The following EML6 variants were observed in gnomAD, a reference collection of about 807,000 sequenced individuals.
EML6 encodes EMAP like 6.
In EML6, 154 loss-of-function variants were observed where a neutral mutation model predicts 240.1. That is an observed-to-expected ratio of 0.64 (90% CI 0.56 to 0.73). The LOEUF (loss-of-function observed/expected upper bound fraction) is 0.73, where lower values mean the gene tolerates loss of function less well. EML6 is among the 30% of genes least tolerant of loss of function. The probability of loss-of-function intolerance (pLI) is 0.00; values close to 1 mark genes in which losing one functional copy is unlikely to be tolerated. For missense variants in EML6, 2,964 were observed against 2,474.6 expected (o/e 1.20, Z -4.20); for synonymous variants, 1,148 against 899.0 (o/e 1.28, Z -4.95).
intron 35 of EML6, 84 bp downstream of exon 35, chr2:54,960,418 G>GGTTT: frequency 9.8e-7 from 1 of 1,020,772 alleles, no homozygotes; most frequent in Non-Finnish European, 1.5e-6. Flanking sequence ...TCTCTGGGCT[G>GGTTT]GTTTGTTTAC....
chr2:54,871,673 CCGCGCATG>C, intron 16 of EML6, 68 bp downstream of exon 16: 1 of 1,155,912 alleles, frequency 8.7e-7, no homozygotes, highest in Non-Finnish European at 1.3e-6. Flanking sequence ...AGAGTATGCC[CCGCGCATG>C]CGCGCACGCG....
chr2:54,801,876 T>C (rs924592582), intron 2 of EML6, among the ~76,000 whole-genome samples: 1 of 152,240 alleles, frequency 6.6e-6, no homozygotes, highest in Non-Finnish European at 1.5e-5. Flanking sequence ...TTTAGTCTTC[T>C]GGATAACGAT....
intron 2 of EML6, among the ~76,000 whole-genome samples, chr2:54,732,784 G>A (rs1048660509): frequency 1.3e-5 from 2 of 152,222 alleles, no homozygotes; most frequent in African/African-American, 4.8e-5. Context: ...TATTTATAAA[G>A]TAAACTATAA....
chr2:54,899,867 G>A, intron 22 of EML6, 85 bp downstream of exon 22: 2 of 1,336,024 alleles, frequency 1.5e-6, no homozygotes, highest in South Asian at 1.5e-5. Context: ...AATATTTACT[G>A]AGGGCACGTG....
intron 2 of EML6, among the ~76,000 whole-genome samples, chr2:54,804,676 G>A (rs1670373734): frequency 6.6e-6 from 1 of 152,148 alleles, no homozygotes; most frequent in African/African-American, 2.4e-5. Flanking sequence ...TCAGAACAAT[G>A]GAGACACAAA....
chr2:54,930,726 T>TC lies in EML6; in HGVS notation c.4004+1978dup, dbSNP rs200224019. Among the ~76,000 whole-genome samples, 408 of 152,202 alleles carry TC rather than the reference T, an allele frequency of 2.7e-3. 1 individual carries two copies. Among genetic ancestry groups the TC allele is most frequent in the African/African-American group, 9.2e-3 (382 of 41,538 alleles). The stretch of plus-strand genomic sequence containing the variant: ...CTTTAAAAGCCTTGACAGCCTCAAT[T>TC]CCCAGAAGGAGCTGGAACTAGAGCA... On this transcript the variant is annotated intron_variant, in intron 28 of 41. Transcript: ENST00000356458.
At position 54,967,021 on chromosome 2, in the gene EML6, C is replaced by T. The variant is rs187186310; in HGVS notation, c.5515C>T (p.Arg1839Cys). Residue 1839 changes from arginine (R) to cysteine (C), a missense_variant, in exon 39 of 42, where the codon CGC (arginine) becomes TGC (cysteine). Coordinates refer to ENST00000356458, the MANE Select transcript of EML6 (RefSeq NM_001039753.4). Reference sequence around the variant, plus strand: ...ACAGGTGTCAACAGGTGCCTATAAGCGCCAGGTGCATGAGGTCCCCCTGGG... The same window carrying T: ...ACAGGTGTCAACAGGTGCCTATAAGTGCCAGGTGCATGAGGTCCCCCTGGG... Reference protein sequence around the residue: ...YIQVSTGAYKRQVHEVPLGKQ... With the variant: ...YIQVSTGAYKCQVHEVPLGKQ... The T allele has an allele frequency of 6.8e-5, 105 of 1,551,118 alleles. No homozygotes were observed. Among genetic ancestry groups the T allele is most frequent in the African/African-American group, 1.2e-4 (9 of 73,150 alleles).
intron 28 of EML6, among the ~76,000 whole-genome samples, chr2:54,938,108 G>A (rs1394927181): frequency 1.3e-5 from 2 of 152,188 alleles, no homozygotes; most frequent in African/African-American, 4.8e-5. Context: ...CACATTGGGA[G>A]GCCGAGGCGG....
Position 54,744,962 on chromosome 2 carries a change from A to ACACACACACACC in EML6, c.197+19705_197+19706insACACACACACCC, listed in dbSNP as rs1553370078. Among the ~76,000 whole-genome samples the ACACACACACACC allele has an allele frequency of 2.3e-5, 2 of 85,966 alleles. 1 individual carries two copies. Among genetic ancestry groups the ACACACACACACC allele is most frequent in the Non-Finnish European group, 5.3e-5 (2 of 37,886 alleles). The allele number at this position is 85,966 out of a possible 152,430, so 56.4% of individuals were successfully genotyped here. A position where few individuals can be genotyped will look rare whatever the true frequency, so the allele number is the denominator to read the frequency against. On this transcript the variant is annotated intron_variant, in intron 2 of 41. Transcript: ENST00000356458. ...CACACACACACACACACACACACAC[A>ACACACACACACC]CCCTGCCATGCAGGCCTTCCCAGTG...
At chr2:54,907,415 G>C (rs1428268764) in intron 24 of EML6, among the ~76,000 whole-genome samples, 1 of 152,200 alleles carries the variant, frequency 6.6e-6, no homozygotes, top group Non-Finnish European at 1.5e-5. Flanking sequence ...GCTGAGGCCA[G>C]GAGAATCGCT....
chr2:54,804,138 G>C (rs1250271337), intron 2 of EML6, among the ~76,000 whole-genome samples: 1 of 152,248 alleles, frequency 6.6e-6, no homozygotes, highest in Middle Eastern at 3.2e-3. Flanking sequence ...GAGCAGTACA[G>C]ATAGAGGTAG....
intron 2 of EML6, among the ~76,000 whole-genome samples, chr2:54,755,066 A>G (rs1013939646): frequency 2.6e-5 from 4 of 152,250 alleles, no homozygotes; most frequent in Non-Finnish European, 4.4e-5. Context: ...AAATGATTTT[A>G]TGAGATGGTC....
chr2:54,741,619 C>A lies in EML6; in HGVS notation c.197+16361C>A, dbSNP rs372272634. 2.0e-5 allele frequency among the ~76,000 whole-genome samples: 3 copies of A among 152,040 alleles called. No homozygotes were observed. The East Asian group carries it at 5.8e-4, about 29-fold the overall frequency. ...GAAAAAGCTGATTCTAGGCCTGGGGCAGTGAAAGCACAAGATACATCTGGA... is the reference window on the plus strand; with the variant it reads ...GAAAAAGCTGATTCTAGGCCTGGGGAAGTGAAAGCACAAGATACATCTGGA... On this transcript the variant is annotated intron_variant, in intron 2 of 41. Coordinates refer to ENST00000356458, the MANE Select transcript of EML6 (RefSeq NM_001039753.4).
At chr2:54,788,978 C>T (rs1669245770) in intron 2 of EML6, among the ~76,000 whole-genome samples, 2 of 152,170 alleles carry the variant, frequency 1.3e-5, no homozygotes, top group African/African-American at 4.8e-5. Context: ...ACCCCCTTTG[C>T]CACTTGCTTA....
chr2:54,757,297 CA>C (rs1667777368), intron 2 of EML6, among the ~76,000 whole-genome samples: 1 of 152,092 alleles, frequency 6.6e-6, no homozygotes, highest in Non-Finnish European at 1.5e-5. Flanking sequence ...CCCCTGAAAG[CA>C]AATTGGGAGC....
chr2:54,823,046 T>C (rs1312961559), intron 5 of EML6, among the ~76,000 whole-genome samples: 1 of 152,216 alleles, frequency 6.6e-6, no homozygotes, highest in Non-Finnish European at 1.5e-5. Context: ...TGGTACAGCA[T>C]ACCTGAAAGA....
chr2:54,745,777 T>C (rs372346934), intron 2 of EML6, among the ~76,000 whole-genome samples: 1 of 152,010 alleles, frequency 6.6e-6, no homozygotes, highest in Non-Finnish European at 1.5e-5. Context: ...CAAGACCCTA[T>C]CTCAAAAATA....
Position 54,891,100 on chromosome 2 carries a change from G to T in EML6, c.2485G>T (p.Val829Phe). The T allele has an allele frequency of 6.6e-7, 1 of 1,511,436 alleles. No individual in the cohort carries two copies. Among genetic ancestry groups the T allele is most frequent in the Middle Eastern group, 1.7e-4 (1 of 5,848 alleles). The allele number at this position is 1,511,436 out of a possible 1,614,324, so 93.6% of individuals were successfully genotyped here. Reference protein sequence around the residue: ...IFVVKCNPHHVDKLVTVGIKH... With the variant: ...IFVVKCNPHHFDKLVTVGIKH... ...TGTGGTAAAGTGTAACCCACACCAT[G>T]TTGACAAACTGGTTACAGTTGGGAT... The change falls in exon 18 of 42, where the codon GTT becomes TTT. Residue 829 changes from valine (V) to phenylalanine (F), a missense_variant. Physicochemically the swap from Val to Phe is conservative, Grantham distance 50. Coordinates refer to ENST00000356458, the MANE Select transcript of EML6 (RefSeq NM_001039753.4).
At chr2:54,806,964 G>C (rs1018825767) in intron 2 of EML6, among the ~76,000 whole-genome samples, 1 of 151,968 alleles carries the variant, frequency 6.6e-6, no homozygotes, top group African/African-American at 2.4e-5. Context: ...CAGCTCTCCA[G>C]GAGAAAAAAA....
Sources: gnomAD v4.1 joint callset for allele counts (sites outside exome capture counted in the v4.1 genomes callset) on GRCh38, gnomAD v4.1.1 for gene constraint, MANE v1.5 for transcripts, NCBI Gene and HGNC (gene_info 2026-07-23, HGNC 2026-07-21) for gene names.